Variants in LRRC61 observed in about 807,000 individuals in gnomAD.
The protein encoded by LRRC61 is leucine rich repeat containing 61.
A neutral mutation model predicts 15.1 loss-of-function variants in LRRC61; 9 were observed. The observed-to-expected ratio is 0.60, with a 90% CI of 0.36 to 1.04. The LOEUF (loss-of-function observed/expected upper bound fraction) is 1.04. Ranked by LOEUF, LRRC61 falls within the 50% of genes least tolerant of loss-of-function variation. The probability of loss-of-function intolerance (pLI) is 0.01; values close to 1 mark genes in which losing one functional copy is unlikely to be tolerated. For synonymous variants in LRRC61, 173 were observed against 158.6 expected (o/e 1.09, Z -0.68); for missense variants, 344 against 335.6 (o/e 1.03, Z -0.20).
In LRRC61 at chr7:150,337,040, T is replaced by C; in HGVS notation, c.179T>C (p.Leu60Pro). Residue 60 changes from leucine to proline, a missense_variant, in exon 3 of 3, where the codon CTA becomes CCA. Physicochemically the swap from Leu to Pro is moderately conservative, Grantham distance 98. Transcript: ENST00000359623. Reference protein sequence around the residue: ...GECLGLEWLDLSGNALTHLGP... With the variant: ...GECLGLEWLDPSGNALTHLGP... ...TGCCTGGGCCTGGAGTGGCTGGACC[T>C]ATCAGGCAACGCGCTCACCCACCTG... 1 of 1,613,524 alleles carries C rather than the reference T, an allele frequency of 6.2e-7. No individual in the cohort carries two copies. Among genetic ancestry groups the C allele is most frequent in the Non-Finnish European group, 8.5e-7 (1 of 1,180,020 alleles).
chr7:150,317,593 C>T, the LRRC61 span, among the ~76,000 whole-genome samples: 10 of 152,164 alleles, frequency 6.6e-5, no homozygotes, highest in African/African-American at 2.4e-4. Context: ...TTGACTAAAC[C>T]ACCAGAACAA....
At chr7:150,316,081 C>T in the LRRC61 span, among the ~76,000 whole-genome samples, 3 of 152,308 alleles carry the variant, frequency 2.0e-5, no homozygotes, top group South Asian at 6.2e-4. Context: ...CCTGTAATCC[C>T]AGCTATTCAG....
At chr7:150,336,649 G>A in intron 2 of LRRC61, 69 bp from the exon 3 acceptor site, 1 of 628,520 alleles carries the variant, frequency 1.6e-6, no homozygotes, top group Non-Finnish European at 2.7e-6. Flanking sequence ...AGCAGGGTCA[G>A]ACTCCCTGCC....
At chr7:150,312,468 G>T in the LRRC61 span, among the ~76,000 whole-genome samples, 1 of 152,166 alleles carries the variant, frequency 6.6e-6, no homozygotes, top group Non-Finnish European at 1.5e-5. Flanking sequence ...GGGACAAAAA[G>T]CTTTGGTATG....
chr7:150,332,684 T>A (rs1798147271), intron 2 of LRRC61: 1 of 167,146 alleles, frequency 6.0e-6, no homozygotes, highest in South Asian at 2.1e-4. Flanking sequence ...CGCAGTATAA[T>A]AATTGCACCT....
rs1491570930 is a variant in LRRC61 at position 150,337,534 on chromosome 7, GAC to G, written c.678_679del (p.Leu227AlafsTer60). ...GGAGGAGGCCTGCCGGCAGTTCCAGGACACACTGCAGGAGTGCTGGGACCTGG... is the reference window on the plus strand; with the variant it reads ...GGAGGAGGCCTGCCGGCAGTTCCAGGACACTGCAGGAGTGCTGGGACCTGG... ...ILEEACRQFQ[D>X]TLQECWDLDR... On this transcript the variant is annotated frameshift_variant, in exon 3 of 3. Transcript: ENST00000359623. LOFTEE classifies it high-confidence loss of function. 30 of 1,604,834 alleles carry G rather than the reference GAC, an allele frequency of 1.9e-5. No individual in the cohort carries two copies. In the Admixed American group the frequency reaches 5.0e-4, roughly 27 times the overall value.
At position 150,337,672 on chromosome 7, in the gene LRRC61, G is replaced by A; in HGVS notation, c.*31G>A. ...GCCTATGGCCCAGGACAGCCTGGCA[G>A]GTGGCCTCGCTGCCCCCAGTTCCCC... On this transcript the variant is annotated 3_prime_UTR_variant, in exon 3 of 3. Transcript: ENST00000359623. 1.3e-6 allele frequency: 2 copies of A among 1,515,472 alleles called. No homozygotes were observed. Among genetic ancestry groups the A allele is most frequent in the East Asian group, 2.3e-5 (1 of 43,912 alleles). 93.9% of individuals were successfully genotyped at this position (1,515,472 alleles called of 1,614,324 possible).
At chr7:150,314,638 T>C in the LRRC61 span, among the ~76,000 whole-genome samples, 1 of 152,104 alleles carries the variant, frequency 6.6e-6, no homozygotes, top group Non-Finnish European at 1.5e-5. Flanking sequence ...TAAAATATTT[T>C]ATTATTTAAA....
Position 150,323,363 on chromosome 7 carries a change from G to A in LRRC61, c.-512G>A. 1 of 289,518 alleles carries A rather than the reference G, an allele frequency of 3.5e-6. No homozygotes were observed. Among genetic ancestry groups the A allele is most frequent in the Non-Finnish European group, 6.7e-6 (1 of 149,140 alleles). 17.9% of individuals were successfully genotyped at this position (289,518 alleles called of 1,614,324 possible). ...CCCTGGGCGCGTTCCGGGAGCTCAG[G>A]CCTGCGGCGCTGGGAGAAGCACGCT... On this transcript the variant is annotated 5_prime_UTR_variant, in exon 1 of 3. Transcript: ENST00000359623.
the LRRC61 span, among the ~76,000 whole-genome samples, chr7:150,309,702 C>T: frequency 1.1e-3 from 164 of 152,276 alleles, 2 homozygotes; most frequent in Admixed American, 8.8e-3. Flanking sequence ...CCCACCTGTG[C>T]GGGACCCCAC....
chr7:150,334,984 T>C (rs1295931134), intron 2 of LRRC61, among the ~76,000 whole-genome samples: 2 of 150,356 alleles, frequency 1.3e-5, no homozygotes, highest in East Asian at 3.9e-4. Flanking sequence ...ATCGCGCCAT[T>C]GTGCCATTGC....
At chr7:150,323,723 C>CT in intron 1 of LRRC61, 163 bp downstream of exon 1, 1 of 455,404 alleles carries the variant, frequency 2.2e-6, no homozygotes, top group South Asian at 1.5e-5. Context: ...ATCTCTCCCT[C>CT]TGTGCCGAGA....
chr7:150,310,806 T>C, the LRRC61 span, among the ~76,000 whole-genome samples: 1 of 152,232 alleles, frequency 6.6e-6, no homozygotes, highest in South Asian at 2.1e-4. Context: ...AATATGTTGA[T>C]GAACTTCTTC....
chr7:150,331,330 G>A (rs969654481), intron 2 of LRRC61: 9 of 531,880 alleles, frequency 1.7e-5, no homozygotes, highest in Admixed American at 1.0e-4. Flanking sequence ...GGCAGGTGCC[G>A]GTGCTCACCC....
intron 2 of LRRC61, among the ~76,000 whole-genome samples, chr7:150,336,275 G>A (rs1485196581): frequency 1.3e-5 from 2 of 152,206 alleles, no homozygotes; most frequent in Non-Finnish European, 2.9e-5. Context: ...ATGTGCTCTC[G>A]TTTGCATTGC....
the LRRC61 span, among the ~76,000 whole-genome samples, chr7:150,313,679 G>C: frequency 1.3e-5 from 2 of 151,826 alleles, no homozygotes; most frequent in African/African-American, 4.9e-5. Flanking sequence ...TGGCCAAGAG[G>C]AGGTGTGCAT....
In LRRC61 at chr7:150,330,634, TG is replaced by T; in HGVS notation, c.-145+4626del. ...GAGGAGTTTGTGCTGGCCACCTTGC[TG>T]GACCCTTGCTTCAAGGGGAAGATTG... is the stretch of plus-strand genomic sequence containing the variant. On this transcript the variant is annotated intron_variant, in intron 2 of 2. Coordinates refer to ENST00000359623, the MANE Select transcript of LRRC61 (RefSeq NM_001142928.2). This position sits in a 1 kb window ranked among gnomAD's most constrained non-coding sequence, Gnocchi z 4.6. 1 of 938,638 alleles carries T rather than the reference TG, an allele frequency of 1.1e-6. No individual in the cohort carries two copies. The highest frequency in any genetic ancestry group is 1.8e-6 in the Non-Finnish European group (1 of 562,588). The allele number at this position is 938,638 out of a possible 1,614,324, so 58.1% of individuals were successfully genotyped here. A position where few individuals can be genotyped will look rare whatever the true frequency, so the allele number is the denominator to read the frequency against.
At chr7:150,316,159 T>C in the LRRC61 span, among the ~76,000 whole-genome samples, 5 of 152,200 alleles carry the variant, frequency 3.3e-5, no homozygotes, top group African/African-American at 9.6e-5. Context: ...ATCACGCCAT[T>C]GCACTCCAGC....
At chr7:150,309,523 T>C in the LRRC61 span, among the ~76,000 whole-genome samples, 7 of 152,216 alleles carry the variant, frequency 4.6e-5, no homozygotes, top group African/African-American at 7.2e-5. Flanking sequence ...TTGCGCCTGC[T>C]GTAAGACAAA....
Sources: allele counts gnomAD v4.1 joint callset (sites outside exome capture counted in the v4.1 genomes callset), GRCh38; gene constraint gnomAD v4.1.1; non-coding constraint Gnocchi (gnomAD v3.1); transcripts MANE v1.5; gene names NCBI Gene and HGNC (gene_info 2026-07-23, HGNC 2026-07-21).